Variants in MPP4 observed in about 807,000 individuals in gnomAD.
MPP4 encodes MAGUK p55 subfamily member 4.
MPP4 carries 91 observed loss-of-function variants against 98.3 expected under a neutral mutation model. That is an observed-to-expected ratio of 0.93 (90% CI 0.78 to 1.10). The LOEUF (loss-of-function observed/expected upper bound fraction) is 1.10. Among genes scored for constraint, MPP4 ranks in the 50% least tolerant of loss-of-function variants. The pLI is 0.00. For synonymous variants in MPP4, 261 were observed against 271.8 expected, an observed-to-expected ratio of 0.96 and a Z score of 0.39; for missense variants, 744 against 792.9, an observed-to-expected ratio of 0.94 and a Z score of 0.74.
At chr2:201,651,353 C>T in intron 18 of MPP4, 6 of 985,384 alleles carry the variant, frequency 6.1e-6, no homozygotes, top group Non-Finnish European at 7.2e-6. Context: ...TACATCACAT[C>T]TCCCATAGCT....
At chr2:201,648,603 C>G (rs1687632026) in intron 20 of MPP4, among the ~76,000 whole-genome samples, 1 of 152,144 alleles carries the variant, frequency 6.6e-6, no homozygotes, top group South Asian at 2.1e-4. Flanking sequence ...GAGTAGGATT[C>G]TATACATGAT....
intron 14 of MPP4, 117 bp from the exon 15 acceptor site, chr2:201,660,463 A>C: frequency 1.8e-6 from 2 of 1,098,914 alleles, no homozygotes; most frequent in Non-Finnish European, 2.8e-6. Context: ...CACCACTAGC[A>C]AAAGGTAACT....
intron 2 of MPP4, 103 bp downstream of exon 2, chr2:201,693,773 A>AG (rs1689104028): frequency 7.3e-7 from 1 of 1,366,526 alleles, no homozygotes; most frequent in Non-Finnish European, 1.0e-6. Flanking sequence ...AGATCCTCAT[A>AG]GGGATCACAG....
In MPP4 at chr2:201,697,526, T is replaced by C. The variant is rs550751714; in HGVS notation, c.-101+1061A>G. On this transcript the variant is annotated intron_variant, in intron 1 of 21. Transcript: ENST00000409474. ...TTCACCTGCAACAGTGCTTGGGCCA[T>C]AGCAAGCACTTGGTATGTTCAGTTG... 6.3e-4 allele frequency among the ~76,000 whole-genome samples: 96 copies of C among 152,268 alleles called. 1 individual carries two copies. Among genetic ancestry groups the C allele is most frequent in the Non-Finnish European group, 2.1e-4 (14 of 68,018 alleles).
intron 14 of MPP4, chr2:201,661,604 CA>C (rs1453556360): frequency 2.2e-6 from 1 of 455,770 alleles, no homozygotes; most frequent in African/African-American, 2.0e-5. Flanking sequence ...CCCCAAGGAA[CA>C]AGATTTCACA....
chr2:201,656,451 C>T lies in MPP4; in HGVS notation c.1130-83G>A. On this transcript the variant is annotated intron_variant, in intron 16 of 21. Transcript: ENST00000409474. The stretch of plus-strand genomic sequence containing the variant: ...TCACACCTGATGAAATATGTAGCAA[C>T]CATGATCCTAAAGTGTTCATTAATA... The T allele has an allele frequency of 6.9e-6, 9 of 1,312,898 alleles. No individual in the cohort carries two copies. In the South Asian group the frequency reaches 7.6e-5, roughly 11 times the overall value. 81.3% of individuals were successfully genotyped at this position (1,312,898 alleles called of 1,614,324 possible).
At chr2:201,649,986 G>C (rs1487131475) in intron 19 of MPP4, 86 bp downstream of exon 19, 18 of 1,331,010 alleles carry the variant, frequency 1.4e-5, no homozygotes, top group Non-Finnish European at 1.5e-5. Context: ...TTACCCAGGA[G>C]ATTTGGAAAA....
At chr2:201,670,582 C>A (rs1688314366) in intron 11 of MPP4, among the ~76,000 whole-genome samples, 2 of 152,014 alleles carry the variant, frequency 1.3e-5, no homozygotes, top group African/African-American at 4.8e-5. Context: ...AAATGAAAAC[C>A]AGAAGTTATA....
chr2:201,664,011 G>A, intron 14 of MPP4, 70 bp downstream of exon 14: 1 of 1,133,914 alleles, frequency 8.8e-7, no homozygotes, highest in Non-Finnish European at 1.2e-6. Flanking sequence ...TTATAAATAT[G>A]TGTATAAATT....
intron 9 of MPP4, 115 bp from the exon 10 acceptor site, chr2:201,681,149 A>C: frequency 1.9e-6 from 2 of 1,054,614 alleles, no homozygotes; most frequent in Non-Finnish European, 2.7e-6. Flanking sequence ...TCCACCTGCT[A>C]CTCCTATCTT....
intron 1 of MPP4, 95 bp downstream of exon 1, chr2:201,698,492 G>A: frequency 1.1e-6 from 1 of 943,478 alleles, no homozygotes; most frequent in Non-Finnish European, 1.5e-6. Context: ...AGATTACCCA[G>A]ATTTATATCT....
rs374777292 is a variant in MPP4, at chr2:201,687,316, T to C, written c.335A>G (p.Gln112Arg). The C allele has an allele frequency of 1.3e-6, 2 of 1,582,456 alleles. No individual in the cohort carries two copies. The highest frequency in any genetic ancestry group is 2.7e-5 in the African/African-American group (2 of 74,418). Residue 112 changes from glutamine to arginine, a missense_variant, in exon 5 of 22, where the codon CAA (glutamine) becomes CGA (arginine). Physicochemically the swap from Gln to Arg is conservative, Grantham distance 43 (BLOSUM62 1). Transcript: ENST00000409474. ...CTTGAAGTGTGGAGCCTGGAGCATT[T>C]GTCTCAGCTCTTGGATCTCAGGGGA... is the stretch of plus-strand genomic sequence containing the variant. ...PTSPEIQELR[Q>R]MLQAPHFKAL...
chr2:201,688,614 GGTTT>G (rs985126363), intron 4 of MPP4, among the ~76,000 whole-genome samples: 30 of 152,086 alleles, frequency 2.0e-4, no homozygotes, highest in African/African-American at 6.3e-4. Context: ...TTGTTTTTTG[GGTTT>G]GTTTGTTTGT....
intron 13 of MPP4, chr2:201,665,043 G>GAGAA (rs1460988556): frequency 6.1e-6 from 1 of 165,054 alleles, no homozygotes; most frequent in Non-Finnish European, 1.5e-5. Context: ...AAGGGGGAAG[G>GAGAA]AGAAATACAT....
chr2:201,669,522 C>T (rs1688278972), intron 12 of MPP4, among the ~76,000 whole-genome samples: 1 of 147,394 alleles, frequency 6.8e-6, no homozygotes. Flanking sequence ...TTATACTTTG[C>T]ATGCATATCT....
At chr2:201,662,812 C>G (rs1242365657) in intron 14 of MPP4, among the ~76,000 whole-genome samples, 2 of 151,928 alleles carry the variant, frequency 1.3e-5, no homozygotes, top group African/African-American at 4.8e-5. Flanking sequence ...AATTAGAGAC[C>G]AATGAAATGG....
At chr2:201,648,914 A>C (rs1188234515) in intron 20 of MPP4, among the ~76,000 whole-genome samples, 2 of 152,074 alleles carry the variant, frequency 1.3e-5, no homozygotes, top group Non-Finnish European at 2.9e-5. Flanking sequence ...AAATACAAAA[A>C]TTAACCAGGC....
intron 6 of MPP4, among the ~76,000 whole-genome samples, chr2:201,685,395 T>C (rs778668587): frequency 8.5e-4 from 130 of 152,338 alleles, no homozygotes; most frequent in Non-Finnish European, 1.6e-3. Flanking sequence ...AGTCATAGCA[T>C]GCCATCAAAA....
At chr2:201,649,764 T>A in intron 19 of MPP4, 80 bp from the exon 20 acceptor site, 1 of 892,556 alleles carries the variant, frequency 1.1e-6, no homozygotes, top group Non-Finnish European at 1.8e-6. Context: ...TAAACTGCAC[T>A]AGAGTTGAAT....
Sources: allele counts gnomAD v4.1 joint callset (sites outside exome capture counted in the v4.1 genomes callset), GRCh38; gene constraint gnomAD v4.1.1; transcripts MANE v1.5; gene names NCBI Gene and HGNC (gene_info 2026-07-23, HGNC 2026-07-21).